Variants in HCFC1 observed in about 807,000 individuals in gnomAD.
The protein encoded by HCFC1 is host cell factor C1.
HCFC1 carries 7 observed loss-of-function variants against 105.5 expected under a neutral mutation model. That is an observed-to-expected ratio of 0.07 (90% CI 0.04 to 0.12). The LOEUF is 0.12. Ranked by LOEUF, HCFC1 falls within the 10% of genes least tolerant of loss-of-function variation. The pLI is 1.00. For synonymous variants in HCFC1, 918 were observed against 828.1 expected, an observed-to-expected ratio of 1.11 and a Z score of -1.86; for missense variants, 1,065 against 1,823.6, an observed-to-expected ratio of 0.58 and a Z score of 7.58.
In HCFC1 at chrX:153,962,202, G is replaced by A. The variant is rs1202325261; in HGVS notation, c.797+20C>T. On this transcript the variant is annotated intron_variant, in intron 5 of 25. Transcript: ENST00000310441. ...CCACGCCAGTCTAGAGAAGAGAGACGCAGGTGAGCAGCCACTTACTTATTT... is the reference window on the plus strand; with the variant it reads ...CCACGCCAGTCTAGAGAAGAGAGACACAGGTGAGCAGCCACTTACTTATTT... 1.5e-5 allele frequency: 17 copies of A among 1,165,541 alleles called. No homozygotes were observed. The highest frequency in any genetic ancestry group is 1.8e-5 in the African/African-American group (1 of 56,518).
At chrX:153,959,667 A>G in intron 8 of HCFC1, 135 bp downstream of exon 8, 8 of 960,543 alleles carry the variant, frequency 8.3e-6, no homozygotes, top group South Asian at 2.4e-5. Context: ...TCCCCCTACA[A>G]CCCTTGGAGA....
chrX:153,950,230 G>A lies in HCFC1; in HGVS notation c.6004+13C>T, dbSNP rs782175717. On this transcript the variant is annotated intron_variant, in intron 24 of 25. Coordinates refer to ENST00000310441, the MANE Select transcript of HCFC1 (RefSeq NM_005334.3). Reference sequence around the variant, plus strand: ...CTTCCCTGTGCCTGAAGAGCTCCACGAAGGACACTCACCCTGCAGCCACCT... The same window carrying A: ...CTTCCCTGTGCCTGAAGAGCTCCACAAAGGACACTCACCCTGCAGCCACCT... The A allele has an allele frequency of 1.4e-5, 16 of 1,154,459 alleles. No individual in the cohort carries two copies. The highest frequency in any genetic ancestry group is 3.1e-4 in the Middle Eastern group (1 of 3,215).
chrX:153,952,379 C>T, intron 19 of HCFC1, 135 bp downstream of exon 19: 3 of 888,358 alleles, frequency 3.4e-6, no homozygotes, highest in Non-Finnish European at 4.5e-6. Flanking sequence ...TGCCTGGGGT[C>T]CCCTGTGCTC....
At chrX:153,963,905 G>T (rs937747767) in intron 3 of HCFC1, among the ~76,000 whole-genome samples, 10 of 111,658 alleles carry the variant, frequency 9.0e-5, no homozygotes, top group Non-Finnish European at 1.9e-4. Flanking sequence ...CCTCCAGCTT[G>T]GCCCTCCTCC....
intron 1 of HCFC1, among the ~76,000 whole-genome samples, chrX:153,966,633 G>A (rs1166460444): frequency 8.9e-6 from 1 of 112,475 alleles, no homozygotes; most frequent in Non-Finnish European, 1.9e-5. Flanking sequence ...AGGCTGCCTG[G>A]GCCAACTGCT....
chrX:153,957,086 G>A (rs1557115243), intron 13 of HCFC1, 26 bp from the exon 14 acceptor site: 3 of 1,198,439 alleles, frequency 2.5e-6, no homozygotes, highest in East Asian at 5.9e-5. Flanking sequence ...GGGCCCAGGG[G>A]AGACAGGCTC....
At chrX:153,956,129 C>A in intron 16 of HCFC1, 62 bp downstream of exon 16, 1 of 1,037,631 alleles carries the variant, frequency 9.6e-7, no homozygotes, top group Non-Finnish European at 1.3e-6. Flanking sequence ...ACGGCGTGAG[C>A]CTCACGTGCT....
chrX:153,954,541 G>C lies in HCFC1; in HGVS notation c.3858C>G (p.Thr1286=). The C allele has an allele frequency of 1.7e-6, 2 of 1,211,432 alleles. No individual in the cohort carries two copies. Among genetic ancestry groups the C allele is most frequent in the Non-Finnish European group, 2.2e-6 (2 of 895,188 alleles). ...CACATGGTGGGTTGGAGCAGACTTG[G>C]GTCACGGTGGCCGAGGGGCACAGCA... ...EALLCPSATV[T]QVCSNPPCET... Residue 1286 remains threonine (T), a synonymous_variant, in exon 17 of 26, where the codon ACC becomes ACG. Coordinates refer to ENST00000310441, the MANE Select transcript of HCFC1 (RefSeq NM_005334.3).
chrX:153,966,838 G>T (rs1159982108), intron 1 of HCFC1, among the ~76,000 whole-genome samples: 1 of 112,624 alleles, frequency 8.9e-6, no homozygotes, highest in East Asian at 2.8e-4. Flanking sequence ...ATGGGGCTGC[G>T]GGTCAGAGTT....
rs781999198 is a variant in HCFC1, at chrX:153,970,893, C to T, written c.-53G>A. On this transcript the variant is annotated 5_prime_UTR_variant, in exon 1 of 26. Coordinates refer to ENST00000310441, the MANE Select transcript of HCFC1 (RefSeq NM_005334.3). ...AAGTCAACAAGCGGGAAGGGAGCCC[C>T]TCAATTCCTTTCACACACCCCCTTT... The T allele has an allele frequency of 2.9e-5, 30 of 1,024,156 alleles. No individual in the cohort carries two copies. Among genetic ancestry groups the T allele is most frequent in the Non-Finnish European group, 3.6e-5 (28 of 769,995 alleles). The allele number at this position is 1,024,156 out of a possible 1,213,427, so 84.4% of individuals were successfully genotyped here.
At chrX:153,953,562 G>A (rs376324402) in intron 18 of HCFC1, 45 bp downstream of exon 18, 14 of 1,173,535 alleles carry the variant, frequency 1.2e-5, no homozygotes, top group Middle Eastern at 2.8e-4. Flanking sequence ...CTGCACGGGC[G>A]TAGGCCGGGA....
intron 1 of HCFC1, among the ~76,000 whole-genome samples, chrX:153,965,068 G>C (rs1557118023): frequency 1.8e-5 from 2 of 111,224 alleles, no homozygotes; most frequent in African/African-American, 6.6e-5. Context: ...TACCCTCTTG[G>C]TGGGCCTGTG....
rs782754046 is a variant in HCFC1 at position 153,959,848 on chromosome X, C to T, written c.1398G>A (p.Thr466=). The change falls in exon 8 of 26, where the codon ACG becomes ACA. Residue 466 remains threonine (T), a synonymous_variant. Coordinates refer to ENST00000310441, the MANE Select transcript of HCFC1 (RefSeq NM_005334.3). ...GCACAGAAATGGAGCTGCCAGGCAC[C>T]GTTGGCAAGACCTGGATGGTGGTGG... ...PTTTTIQVLP[T]VPGSSISVPT... is the part of the protein sequence containing the mutation. 2.7e-5 allele frequency: 32 copies of T among 1,184,630 alleles called. No homozygotes were observed. Among genetic ancestry groups the T allele is most frequent in the African/African-American group, 1.8e-4 (10 of 56,784 alleles).
At chrX:153,953,973 T>G in intron 17 of HCFC1, 93 bp downstream of exon 17, 1 of 1,026,930 alleles carries the variant, frequency 9.7e-7, no homozygotes, top group South Asian at 2.2e-5. Context: ...GCCTGACTGG[T>G]GGACTCTGGA....
chrX:153,958,657 G>A lies in HCFC1; in HGVS notation c.1715C>T (p.Ala572Val), dbSNP rs1290889621. The A allele has an allele frequency of 2.5e-6, 3 of 1,205,180 alleles. No homozygotes were observed. Among genetic ancestry groups the A allele is most frequent in the Non-Finnish European group, 3.4e-6 (3 of 891,731 alleles). The change falls in exon 10 of 26, where the codon GCG becomes GTG. Residue 572 changes from alanine (A) to valine (V), a missense_variant. By Grantham distance (64) the Ala-to-Val change is moderately conservative (BLOSUM62 0). This residue lies in a region of HCFC1 where 137 missense variants were observed against 378.2 expected (regional missense o/e 0.36). Coordinates refer to ENST00000310441, the MANE Select transcript of HCFC1 (RefSeq NM_005334.3). ...SSAPTVLSVP[A>V]GTTIVKTMAV... is the part of the protein sequence containing the mutation. ...CATGGTCTTCACGATGGTGGTACCC[G>A]CTGGGACACTCAGCACCGTGGGTGC... is the stretch of plus-strand genomic sequence containing the variant.
rs782120961 is a variant in HCFC1, at chrX:153,971,382, T to C, written c.-542A>G. On this transcript the variant is annotated 5_prime_UTR_variant, in exon 1 of 26. Transcript: ENST00000310441. ...AGCCGCCATCTTGAGACCGTCCCGC[T>C]TCCCCGCCCAGCGCCTTAGTGCAGC... 6 of 288,702 alleles carry C rather than the reference T, an allele frequency of 2.1e-5. No individual in the cohort carries two copies. The highest frequency in any genetic ancestry group is 2.0e-4 in the East Asian group (4 of 20,463). 23.8% of individuals were successfully genotyped at this position (288,702 alleles called of 1,213,427 possible). A position where few individuals can be genotyped will look rare whatever the true frequency, so the allele number is the denominator to read the frequency against.
intron 1 of HCFC1, 107 bp downstream of exon 1, chrX:153,970,541 G>GGAGGGAGGA (rs2065520705): frequency 2.0e-6 from 1 of 512,423 alleles, no homozygotes; most frequent in African/African-American, 2.7e-5. Flanking sequence ...GGAGATGGAG[G>GGAGGGAGGA]GAGGGAGGAG....
At chrX:153,961,513 A>G in intron 6 of HCFC1, 29 bp downstream of exon 6, 1 of 1,063,343 alleles carries the variant, frequency 9.4e-7, no homozygotes, top group Non-Finnish European at 1.3e-6. Flanking sequence ...AGCCTCCCAC[A>G]GGCCACTCGG....
At chrX:153,952,485 G>A (rs782546143) in intron 19 of HCFC1, 29 bp downstream of exon 19, 14 of 1,127,163 alleles carry the variant, frequency 1.2e-5, no homozygotes, top group East Asian at 3.0e-5. Flanking sequence ...CGAGCGGCCC[G>A]GCTTCCCCAG....
Sources: allele counts gnomAD v4.1 joint callset (sites outside exome capture counted in the v4.1 genomes callset), GRCh38; gene constraint gnomAD v4.1.1; regional missense constraint gnomAD v4.1.1; transcripts MANE v1.5; gene names NCBI Gene and HGNC (gene_info 2026-07-23, HGNC 2026-07-21).